Variants in DSCAM observed in about 807,000 individuals in gnomAD.
The protein encoded by DSCAM is DS cell adhesion molecule.
Under a neutral mutation model 217.7 loss-of-function variants are expected in DSCAM, and 47 were observed. The ratio of observed to expected loss-of-function variants is 0.22; its 90% CI spans 0.17 to 0.28. The LOEUF (loss-of-function observed/expected upper bound fraction) is 0.28. DSCAM is among the 10% of genes least tolerant of loss of function. The probability of loss-of-function intolerance (pLI) is 1.00; values close to 1 mark genes in which losing one functional copy is unlikely to be tolerated. For missense variants in DSCAM, 2,080 were observed against 2,618.3 expected (o/e 0.79, Z 4.49); for synonymous variants, 1,056 against 1,015.3 (o/e 1.04, Z -0.76).
rs1204734590 is a variant in DSCAM at position 40,085,623 on chromosome 21, T to C, written c.4111A>G (p.Ile1371Val). The change falls in exon 23 of 33, where the codon ATT becomes GTT. Residue 1371 changes from isoleucine to valine, a missense_variant. Physicochemically the swap from Ile to Val is conservative, Grantham distance 29. Around this residue, in one of 5 missense-constraint regions of DSCAM, gnomAD observed 1,144 missense variants for 1,421.1 expected, o/e 0.81. Coordinates refer to ENST00000400454, the MANE Select transcript of DSCAM (RefSeq NM_001389.5). ...GTACCTTGTACTTGTAAGTTTAAAA[T>C]AATTTCATCAGATCCCCAGTTGTTA... The part of the protein sequence containing the change: ...ANNNWGSDEI[I>V]LNLQVQVPPD... The C allele has an allele frequency of 6.4e-7, 1 of 1,571,502 alleles. No individual in the cohort carries two copies. Among genetic ancestry groups the C allele is most frequent in the Admixed American group, 1.7e-5 (1 of 58,926 alleles).
At chr21:40,517,404 A>AACACAC (rs3070750) in intron 3 of DSCAM, among the ~76,000 whole-genome samples, 7,760 of 144,718 alleles carry the variant, frequency 0.054, 299 homozygotes, top group East Asian at 0.17. Context: ...ACACACAAGC[A>AACACAC]ACACACACAC....
intron 10 of DSCAM, among the ~76,000 whole-genome samples, chr21:40,292,182 TGAC>T (rs1483121895): frequency 4.5e-5 from 6 of 132,622 alleles, no homozygotes; most frequent in African/African-American, 1.4e-4. Context: ...AAAAATGTAA[TGAC>T]TTTTTTTTTT....
intron 18 of DSCAM, among the ~76,000 whole-genome samples, chr21:40,138,189 C>T (rs1240016911): frequency 2.0e-5 from 3 of 151,860 alleles, no homozygotes; most frequent in Non-Finnish European, 2.9e-5. Context: ...CGGGCTATTG[C>T]TAATTACAGT....
At chr21:40,705,888 T>C (rs1219134840) in intron 2 of DSCAM, among the ~76,000 whole-genome samples, 3 of 152,064 alleles carry the variant, frequency 2.0e-5, no homozygotes, top group Non-Finnish European at 4.4e-5. Context: ...AGTCAAATGT[T>C]AGAAAGCAGT....
chr21:40,220,902 A>G lies in DSCAM; in HGVS notation c.2357-31664T>C, dbSNP rs575456424. On this transcript the variant is annotated intron_variant, in intron 11 of 32. Transcript: ENST00000400454. ...CTGGGCCACGAGGCTGCACAAGCTTACTTTTACAACGTGTTGTCTGAGGTC... is the reference window on the plus strand; with the variant it reads ...CTGGGCCACGAGGCTGCACAAGCTTGCTTTTACAACGTGTTGTCTGAGGTC... Among the ~76,000 whole-genome samples, 84 of 152,270 alleles carry G rather than the reference A, an allele frequency of 5.5e-4. 1 individual carries two copies. Among genetic ancestry groups the G allele is most frequent in the African/African-American group, 2.0e-3 (82 of 41,556 alleles).
At chr21:40,067,749 C>T (rs1601293673) in intron 27 of DSCAM, among the ~76,000 whole-genome samples, 1 of 56,752 alleles carries the variant, frequency 1.8e-5, no homozygotes, top group African/African-American at 5.6e-5. Context: ...TCATTCCCTC[C>T]CTCCCTCCCT....
chr21:40,617,694 T>G (rs971082744), intron 3 of DSCAM, among the ~76,000 whole-genome samples: 1 of 152,230 alleles, frequency 6.6e-6, no homozygotes, highest in Non-Finnish European at 1.5e-5. Context: ...TCCCTCCCAG[T>G]CGTTATGGTT....
chr21:40,568,114 A>G (rs983518379), intron 3 of DSCAM, among the ~76,000 whole-genome samples: 19 of 152,166 alleles, frequency 1.2e-4, no homozygotes, highest in African/African-American at 4.6e-4. Context: ...GTTTGATTGA[A>G]GCATTTAGCA....
At chr21:40,077,304 A>C (rs2089379973) in intron 26 of DSCAM, among the ~76,000 whole-genome samples, 1 of 152,204 alleles carries the variant, frequency 6.6e-6, no homozygotes, top group Non-Finnish European at 1.5e-5. Context: ...CTGGCAGAGA[A>C]GGATGTTGTG....
chr21:40,617,897 G>A (rs1210129655), intron 3 of DSCAM, among the ~76,000 whole-genome samples: 2 of 152,208 alleles, frequency 1.3e-5, no homozygotes, highest in African/African-American at 4.8e-5. Context: ...AGCAATGCCA[G>A]ACAGAGGACG....
intron 3 of DSCAM, among the ~76,000 whole-genome samples, chr21:40,652,681 C>G (rs1290867674): frequency 6.6e-6 from 1 of 152,204 alleles, no homozygotes; most frequent in Non-Finnish European, 1.5e-5. Context: ...GTCCAAATCC[C>G]ACACATTCTA....
intron 3 of DSCAM, among the ~76,000 whole-genome samples, chr21:40,370,103 C>A (rs1004826031): frequency 6.6e-6 from 1 of 152,076 alleles, no homozygotes; most frequent in African/African-American, 2.4e-5. Flanking sequence ...ATGTTTTTTT[C>A]CCTTTGAAAA....
intron 3 of DSCAM, among the ~76,000 whole-genome samples, chr21:40,422,546 G>C (rs2075434969): frequency 6.6e-6 from 1 of 152,176 alleles, no homozygotes; most frequent in African/African-American, 2.4e-5. Context: ...GGAGGCTGAG[G>C]CAGGAGAATT....
intron 8 of DSCAM, among the ~76,000 whole-genome samples, chr21:40,324,132 G>GAAAAAA (rs796310854): frequency 7.5e-5 from 6 of 80,152 alleles, no homozygotes; most frequent in East Asian, 6.4e-4. Flanking sequence ...AAAAAAAAAA[G>GAAAAAA]AAAAAAAAAA....
intron 3 of DSCAM, among the ~76,000 whole-genome samples, chr21:40,637,980 G>T (rs145364879): frequency 1.3e-5 from 2 of 151,604 alleles, no homozygotes; most frequent in Non-Finnish European, 2.9e-5. Context: ...CACCATGCCC[G>T]GCCCCCATTT....
chr21:40,552,032 C>G (rs2076634033), intron 3 of DSCAM, among the ~76,000 whole-genome samples: 1 of 152,102 alleles, frequency 6.6e-6, no homozygotes, highest in African/African-American at 2.4e-5. Flanking sequence ...AGTTCTATTT[C>G]CAGCTGGGCA....
At chr21:40,557,809 ATTATG>A (rs1461199402) in intron 3 of DSCAM, among the ~76,000 whole-genome samples, 1 of 152,216 alleles carries the variant, frequency 6.6e-6, no homozygotes, top group Non-Finnish European at 1.5e-5. Flanking sequence ...AGCCTCCAGT[ATTATG>A]TTATAGCAAC....
At chr21:40,251,418 T>C (rs977358809) in intron 11 of DSCAM, among the ~76,000 whole-genome samples, 1 of 152,224 alleles carries the variant, frequency 6.6e-6, no homozygotes, top group African/African-American at 2.4e-5. Flanking sequence ...GGGAGGGTTT[T>C]TCTCACCATT....
intron 1 of DSCAM, among the ~76,000 whole-genome samples, chr21:40,756,976 C>CGTGTGT (rs1555886227): frequency 6.7e-6 from 1 of 149,604 alleles, no homozygotes; most frequent in Non-Finnish European, 1.5e-5. Context: ...AACAAATGGT[C>CGTGTGT]GTGTGTGTGT....
Sources: gnomAD v4.1 joint callset for allele counts (sites outside exome capture counted in the v4.1 genomes callset) on GRCh38, gnomAD v4.1.1 for gene constraint, gnomAD v4.1.1 regional missense constraint, MANE v1.5 for transcripts, NCBI Gene and HGNC (gene_info 2026-07-23, HGNC 2026-07-21) for gene names.